Variants in TAF4 observed in about 807,000 individuals in gnomAD.
The protein encoded by TAF4 is transcription initiation factor TFIID subunit 4.
In TAF4, 9 loss-of-function variants were observed where a neutral mutation model predicts 90.3. The ratio of observed to expected loss-of-function variants is 0.10; its 90% CI spans 0.06 to 0.17. TAF4 has a LOEUF of 0.17. Ranked by LOEUF, TAF4 falls within the 10% of genes least tolerant of loss-of-function variation. TAF4 has a pLI of 1.00. For missense variants in TAF4, 1,351 were observed against 1,370.7 expected, an observed-to-expected ratio of 0.99 and a Z score of 0.23; for synonymous variants, 818 against 638.9, an observed-to-expected ratio of 1.28 and a Z score of -4.23.
intron 1 of TAF4, among the ~76,000 whole-genome samples, chr20:62,063,837 T>C (rs969911642): frequency 2.0e-5 from 3 of 152,224 alleles, no homozygotes; most frequent in Non-Finnish European, 4.4e-5. Context: ...GCGCCTGACA[T>C]CTCTCCCTGC....
chr20:62,050,160 A>G (rs922063991), intron 1 of TAF4, among the ~76,000 whole-genome samples: 11 of 152,266 alleles, frequency 7.2e-5, no homozygotes, highest in African/African-American at 2.6e-4. Context: ...CAGAGCCCCC[A>G]GAGGACACTG....
At chr20:61,998,486 T>G (rs932982757) in intron 12 of TAF4, among the ~76,000 whole-genome samples, 3 of 152,188 alleles carry the variant, frequency 2.0e-5, no homozygotes, top group African/African-American at 7.2e-5. Flanking sequence ...GCAGGCAGAA[T>G]GGGCCTCATA....
rs1402113278 is a variant in TAF4, at chr20:62,065,028, G to T, written c.783C>A (p.Pro261=). 1 of 489,738 alleles carries T rather than the reference G, an allele frequency of 2.0e-6. No individual in the cohort carries two copies. The highest frequency in any genetic ancestry group is 2.6e-6 in the Non-Finnish European group (1 of 386,874). 30.3% of individuals were successfully genotyped at this position (489,738 alleles called of 1,614,324 possible). The part of the protein sequence containing the change: ...APAAPSPPAA[P]APAAPAAAPP... ...GGGCGGCGGCGGGGGCGGCGGGCGC[G>T]GGGGCGGCGGGGGGCGAGGGCGCGG... Residue 261 remains proline, a synonymous_variant, in exon 1 of 15, where the codon CCC becomes CCA. Transcript: ENST00000252996.
intron 1 of TAF4, among the ~76,000 whole-genome samples, chr20:62,050,003 G>A (rs989532574): frequency 2.0e-5 from 3 of 152,108 alleles, no homozygotes; most frequent in Non-Finnish European, 2.9e-5. Flanking sequence ...CCAAGGCAGG[G>A]AGTCAGCCTC....
intron 14 of TAF4, among the ~76,000 whole-genome samples, chr20:61,992,480 C>A (rs1287238811): frequency 1.3e-5 from 2 of 152,036 alleles, no homozygotes; most frequent in Non-Finnish European, 2.9e-5. Flanking sequence ...CCCCCAAGCC[C>A]TTGGGGCAGC....
chr20:62,013,908 T>TGGGG (rs2055794849), intron 2 of TAF4, among the ~76,000 whole-genome samples: 5 of 43,236 alleles, frequency 1.2e-4, no homozygotes, highest in Non-Finnish European at 2.6e-4. Context: ...CTGACGCGGG[T>TGGGG]GTGTGTGTGT....
rs184783745 is a variant in TAF4, at chr20:62,056,034, C to G, written c.1360+8417G>C. On this transcript the variant is annotated intron_variant, in intron 1 of 14. Coordinates refer to ENST00000252996, the MANE Select transcript of TAF4 (RefSeq NM_003185.4). ...GGCGGAGCACTTGAGGTCAGGAGTTCGAGACCAACCTGGCCAACAAGGTGA... is the reference window on the plus strand; with the variant it reads ...GGCGGAGCACTTGAGGTCAGGAGTTGGAGACCAACCTGGCCAACAAGGTGA... Among the ~76,000 whole-genome samples, 434 of 151,934 alleles carry G rather than the reference C, an allele frequency of 2.9e-3. 2 individuals are homozygous for G. Among genetic ancestry groups the G allele is most frequent in the Non-Finnish European group, 4.9e-3 (330 of 68,012 alleles).
intron 1 of TAF4, among the ~76,000 whole-genome samples, chr20:62,022,901 G>C (rs540734638): frequency 6.6e-6 from 1 of 150,436 alleles, no homozygotes; most frequent in Admixed American, 6.7e-5. Context: ...GTAAAATCAT[G>C]AACTTTGATT....
chr20:62,030,303 CAGCATCACA>C (rs1203591181), intron 1 of TAF4, among the ~76,000 whole-genome samples: 1 of 152,270 alleles, frequency 6.6e-6, no homozygotes, highest in Non-Finnish European at 1.5e-5. Flanking sequence ...GACGACACAG[CAGCATCACA>C]AGCATCACAG....
intron 1 of TAF4, among the ~76,000 whole-genome samples, chr20:62,036,626 C>T (rs923824100): frequency 3.0e-4 from 46 of 152,152 alleles, no homozygotes; most frequent in African/African-American, 1.1e-3. Context: ...GCTAGGAACT[C>T]GCCAGGGTTT....
At chr20:62,000,334 G>A in intron 10 of TAF4, 80 bp from the exon 11 acceptor site, 1 of 1,555,524 alleles carries the variant, frequency 6.4e-7, no homozygotes, top group Non-Finnish European at 8.7e-7. Context: ...TGATCCAGCA[G>A]TTACTGCTTT....
intron 1 of TAF4, among the ~76,000 whole-genome samples, chr20:62,031,527 A>G (rs187435009): frequency 1.3e-3 from 194 of 152,318 alleles, no homozygotes; most frequent in African/African-American, 3.7e-3. Flanking sequence ...ATTCATTCAA[A>G]TGACACTTTG....
At chr20:62,036,687 GA>G (rs1446141662) in intron 1 of TAF4, among the ~76,000 whole-genome samples, 1 of 152,100 alleles carries the variant, frequency 6.6e-6, no homozygotes, top group African/African-American at 2.4e-5. Flanking sequence ...GACTAAAAAA[GA>G]AAAACCATAC....
rs1284933932 is a variant in TAF4, at chr20:62,065,373, G to C, written c.438C>G (p.Val146=). Reference sequence around the variant, plus strand: ...CGGGGGCGGGCTCGGGCCCCGCGGCGACGGCGGCGGCGGCGGGCACCGGGG... The same window carrying C: ...CGGGGGCGGGCTCGGGCCCCGCGGCCACGGCGGCGGCGGCGGGCACCGGGG... ...SCAPVPAAAA[V]AAGPEPAPAG... Residue 146 remains valine (V), a synonymous_variant, in exon 1 of 15, where the codon GTC becomes GTG. Coordinates refer to ENST00000252996, the MANE Select transcript of TAF4 (RefSeq NM_003185.4). The C allele has an allele frequency of 2.1e-6, 2 of 969,636 alleles. No homozygotes were observed. Among genetic ancestry groups the C allele is most frequent in the Non-Finnish European group, 2.4e-6 (2 of 822,010 alleles). 60.1% of individuals were successfully genotyped at this position (969,636 alleles called of 1,614,324 possible).
intron 12 of TAF4, 84 bp downstream of exon 12, chr20:61,998,899 A>G: frequency 1.3e-6 from 2 of 1,553,858 alleles, no homozygotes; most frequent in Non-Finnish European, 1.7e-6. Context: ...CTGACCACCC[A>G]AAACCCCACT....
intron 1 of TAF4, among the ~76,000 whole-genome samples, chr20:62,040,892 T>C (rs1419244776): frequency 6.6e-6 from 1 of 152,204 alleles, no homozygotes; most frequent in Non-Finnish European, 1.5e-5. Context: ...TGAACACAAA[T>C]GTTCAAAAAG....
Position 62,013,950 on chromosome 20 carries a change from T to A in TAF4, c.1521+597A>T, listed in dbSNP as rs184229117. On this transcript the variant is annotated intron_variant, in intron 2 of 14. Transcript: ENST00000252996. ...GTGTGTGTGTGTGTGTGTGTGTGTGTGAATCCGTGCTCCCTACCACAGCTC... is the reference window on the plus strand; with the variant it reads ...GTGTGTGTGTGTGTGTGTGTGTGTGAGAATCCGTGCTCCCTACCACAGCTC... 9.9e-3 allele frequency among the ~76,000 whole-genome samples: 1,247 copies of A among 126,320 alleles called. 6 individuals are homozygous for A. Among genetic ancestry groups the A allele is most frequent in the Non-Finnish European group, 0.016 (950 of 59,134 alleles). 82.9% of individuals were successfully genotyped at this position (126,320 alleles called of 152,430 possible).
intron 1 of TAF4, among the ~76,000 whole-genome samples, chr20:62,059,837 C>CGTA (rs145665419): frequency 0.026 from 3,994 of 152,340 alleles, 71 homozygotes; most frequent in Non-Finnish European, 0.041. Flanking sequence ...CCCTGTTACA[C>CGTA]CTCTGCTTCA....
Position 61,975,961 on chromosome 20 carries a change from A to C in TAF4, c.*207T>G, listed in dbSNP as rs2055491661. 1.8e-6 allele frequency: 1 copy of C among 561,830 alleles called. No individual in the cohort carries two copies. The allele number at this position is 561,830 out of a possible 1,614,324, so 34.8% of individuals were successfully genotyped here. ...CTCAATCAAGATGAGTTAAGATTTA[A>C]TTGTCCTTTAAGAGTATCCACAGGC... is the stretch of plus-strand genomic sequence containing the variant. On this transcript the variant is annotated 3_prime_UTR_variant, in exon 15 of 15. Transcript: ENST00000252996.
Sources: allele counts gnomAD v4.1 joint callset (sites outside exome capture counted in the v4.1 genomes callset), GRCh38; gene constraint gnomAD v4.1.1; transcripts MANE v1.5; gene names NCBI Gene and HGNC (gene_info 2026-07-23, HGNC 2026-07-21).